The following LRRN2 variants were observed in gnomAD, a reference collection of about 807,000 sequenced individuals.
LRRN2 encodes leucine-rich repeat neuronal protein 2.
LRRN2 carries 10 observed loss-of-function variants against 35.7 expected under a neutral mutation model. The observed-to-expected ratio is 0.28, with a 90% CI of 0.17 to 0.47. The LOEUF is 0.47. Among genes scored for constraint, LRRN2 ranks in the 20% least tolerant of loss-of-function variants. The pLI, the probability that LRRN2 is intolerant of heterozygous loss-of-function variation, is 0.99. For missense variants in LRRN2, 731 were observed against 940.3 expected (o/e 0.78, Z 2.91); for synonymous variants, 391 against 409.6 (o/e 0.95, Z 0.55).
At chr1:204,670,159 G>A (rs909215993) in intron 1 of LRRN2, among the ~76,000 whole-genome samples, 1 of 152,216 alleles carries the variant, frequency 6.6e-6, no homozygotes, top group African/African-American at 2.4e-5. Context: ...CTAGTGTGGA[G>A]GCTGTGGAGA....
intron 1 of LRRN2, among the ~76,000 whole-genome samples, chr1:204,644,330 C>A (rs1485622127): frequency 6.6e-6 from 1 of 152,168 alleles, no homozygotes; most frequent in African/African-American, 2.4e-5. Context: ...ATGCAGCCTC[C>A]CTCCCTTTCT....
intron 1 of LRRN2, among the ~76,000 whole-genome samples, chr1:204,649,275 C>T (rs1380140684): frequency 3.9e-5 from 6 of 152,202 alleles, no homozygotes; most frequent in African/African-American, 1.4e-4. Context: ...GGGTCAGGCG[C>T]TCTGGGCTGA....
In LRRN2 at chr1:204,619,703, T is replaced by C; in HGVS notation, c.290A>G (p.Glu97Gly). 2 of 1,614,156 alleles carry C rather than the reference T, an allele frequency of 1.2e-6. No homozygotes were observed. Among genetic ancestry groups the C allele is most frequent in the Non-Finnish European group, 1.7e-6 (2 of 1,179,996 alleles). ...AAAGCTGTTCTGGGACAGGTCCAGC[T>C]CTGTGAGATTGGCCAGGTAGCCCAG... ...SELGYLANLT[E>G]LDLSQNSFSD... The change falls in exon 2 of 2, where the codon GAG (glutamate) becomes GGG (glycine). Residue 97 changes from glutamate to glycine, a missense_variant. Around this residue, in one of 3 missense-constraint regions of LRRN2, gnomAD observed 246 missense variants for 289.5 expected, o/e 0.85. Coordinates refer to ENST00000367177, the MANE Select transcript of LRRN2 (RefSeq NM_201630.2).
At chr1:204,684,412 G>T (rs1450658709) in intron 1 of LRRN2, among the ~76,000 whole-genome samples, 2 of 152,148 alleles carry the variant, frequency 1.3e-5, no homozygotes, top group Non-Finnish European at 2.9e-5. Flanking sequence ...TGTTCGTTTG[G>T]GTGGGGGAGG....
At position 204,638,690 on chromosome 1, in the gene LRRN2, G is replaced by A. The variant is rs536298304; in HGVS notation, c.-226-18472C>T. 5.3e-5 allele frequency among the ~76,000 whole-genome samples: 8 copies of A among 152,204 alleles called. No homozygotes were observed. In the East Asian group the frequency reaches 7.8e-4, roughly 15 times the overall value. Reference sequence around the variant, plus strand: ...CTCCCAAAGTGCTGGGATTACAGGCGTGAGCCACCGCGCCCGGCCAGGTCT... The same window carrying A: ...CTCCCAAAGTGCTGGGATTACAGGCATGAGCCACCGCGCCCGGCCAGGTCT... On this transcript the variant is annotated intron_variant, in intron 1 of 1. Coordinates refer to ENST00000367177, the MANE Select transcript of LRRN2 (RefSeq NM_201630.2).
At chr1:204,672,429 T>C (rs1668734360) in intron 1 of LRRN2, among the ~76,000 whole-genome samples, 1 of 152,196 alleles carries the variant, frequency 6.6e-6, no homozygotes, top group South Asian at 2.1e-4. Context: ...CATGACCCTT[T>C]AGCCCTTGGG....
At chr1:204,634,215 G>A (rs537545172) in intron 1 of LRRN2, among the ~76,000 whole-genome samples, 1 of 152,324 alleles carries the variant, frequency 6.6e-6, no homozygotes, top group South Asian at 2.1e-4. Context: ...TAATAATTTG[G>A]GAAGAGCAGA....
At chr1:204,673,837 AG>A (rs1668761282) in intron 1 of LRRN2, among the ~76,000 whole-genome samples, 1 of 152,014 alleles carries the variant, frequency 6.6e-6, no homozygotes, top group Non-Finnish European at 1.5e-5. Flanking sequence ...CATTTCATTT[AG>A]GGCTGCCCTG....
intron 1 of LRRN2, among the ~76,000 whole-genome samples, chr1:204,682,455 G>C (rs991980611): frequency 6.6e-6 from 1 of 152,180 alleles, no homozygotes; most frequent in Non-Finnish European, 1.5e-5. Flanking sequence ...AGATGTCACA[G>C]ATATCATAGG....
intron 1 of LRRN2, among the ~76,000 whole-genome samples, chr1:204,672,714 T>C (rs923682607): frequency 1.3e-5 from 2 of 151,990 alleles, no homozygotes; most frequent in African/African-American, 4.8e-5. Context: ...CCAGCACTAG[T>C]TGAGGGAGCT....
Position 204,618,602 on chromosome 1 carries a change from C to T in LRRN2, c.1391G>A (p.Arg464Gln), listed in dbSNP as rs771218431. The T allele has an allele frequency of 4.3e-6, 7 of 1,613,874 alleles. No homozygotes were observed. Among genetic ancestry groups the T allele is most frequent in the Admixed American group, 1.7e-5 (1 of 60,032 alleles). The change falls in exon 2 of 2, where the codon CGA (arginine) becomes CAA (glutamine). Residue 464 changes from arginine to glutamine, a missense_variant. By Grantham distance (43) the Arg-to-Gln change is conservative. Around this residue, in one of 3 missense-constraint regions of LRRN2, gnomAD observed 256 missense variants for 392.4 expected, o/e 0.65. Coordinates refer to ENST00000367177, the MANE Select transcript of LRRN2 (RefSeq NM_201630.2). ...CCTGCCTGCATGGGCAGGTGTCAGTCGAAGCCCAGCTGGAGTGACCCAGTA... is the reference window on the plus strand; with the variant it reads ...CCTGCCTGCATGGGCAGGTGTCAGTTGAAGCCCAGCTGGAGTGACCCAGTA... ...EIYWVTPAGL[R>Q]LTPAHAGRRY...
intron 1 of LRRN2, among the ~76,000 whole-genome samples, chr1:204,672,085 G>A (rs1241578872): frequency 1.3e-5 from 2 of 152,226 alleles, no homozygotes; most frequent in Admixed American, 6.5e-5. Context: ...GGTGAGTGGG[G>A]AGGATGTCGC....
chr1:204,649,653 C>T (rs1425942990), intron 1 of LRRN2, among the ~76,000 whole-genome samples: 4 of 152,182 alleles, frequency 2.6e-5, no homozygotes, highest in African/African-American at 9.7e-5. Flanking sequence ...GGCCTTGACC[C>T]CTGTGTGACC....
intron 1 of LRRN2, among the ~76,000 whole-genome samples, chr1:204,678,318 C>A (rs1467850464): frequency 6.6e-6 from 1 of 152,136 alleles, no homozygotes; most frequent in Non-Finnish European, 1.5e-5. Context: ...CTGCCTAGGA[C>A]AGTGCTCAGA....
At chr1:204,634,242 C>T (rs1468405063) in intron 1 of LRRN2, among the ~76,000 whole-genome samples, 1 of 152,224 alleles carries the variant, frequency 6.6e-6, no homozygotes, top group African/African-American at 2.4e-5. Flanking sequence ...AAAGTGCTCT[C>T]AGCCAGCCCT....
intron 1 of LRRN2, among the ~76,000 whole-genome samples, chr1:204,661,485 A>T (rs1668470948): frequency 1.3e-5 from 2 of 152,178 alleles, no homozygotes; most frequent in Non-Finnish European, 2.9e-5. Context: ...GTACATAAGA[A>T]TCCTGTGGGA....
intron 1 of LRRN2, among the ~76,000 whole-genome samples, chr1:204,651,644 C>T (rs1371847323): frequency 6.6e-6 from 1 of 152,120 alleles, no homozygotes; most frequent in Non-Finnish European, 1.5e-5. Flanking sequence ...TGGCTTGTCA[C>T]CATATGGCAG....
chr1:204,673,223 C>T (rs1382957654), intron 1 of LRRN2, among the ~76,000 whole-genome samples: 1 of 152,198 alleles, frequency 6.6e-6, no homozygotes, highest in African/African-American at 2.4e-5. Context: ...AGACTATTCT[C>T]AAATATTTAA....
intron 1 of LRRN2, among the ~76,000 whole-genome samples, chr1:204,644,276 T>C (rs967426418): frequency 2.6e-5 from 4 of 152,158 alleles, no homozygotes; most frequent in African/African-American, 9.7e-5. Context: ...ACAGTGCTCT[T>C]CCCTGACATT....
Sources: gnomAD v4.1 joint callset for allele counts (sites outside exome capture counted in the v4.1 genomes callset) on GRCh38, gnomAD v4.1.1 for gene constraint, gnomAD v4.1.1 regional missense constraint, MANE v1.5 for transcripts, NCBI Gene and HGNC (gene_info 2026-07-23, HGNC 2026-07-21) for gene names.